The following PHF14 variants were observed in gnomAD, a reference collection of about 807,000 sequenced individuals.
PHF14 encodes the protein PHD finger protein 14.
Under a neutral mutation model 117.9 loss-of-function variants are expected in PHF14, and 55 were observed. The ratio of observed to expected loss-of-function variants is 0.47; its 90% CI spans 0.38 to 0.58. The LOEUF (loss-of-function observed/expected upper bound fraction) is 0.58, where lower values mean the gene tolerates loss of function less well. Ranked by LOEUF, PHF14 falls within the 20% of genes least tolerant of loss-of-function variation. The pLI, the probability that PHF14 is intolerant of heterozygous loss-of-function variation, is 0.00. For missense variants in PHF14, 978 were observed against 1,122.2 expected, an observed-to-expected ratio of 0.87 and a Z score of 1.84; for synonymous variants, 409 against 368.6, an observed-to-expected ratio of 1.11 and a Z score of -1.26.
chr7:11,150,382 A>G (rs1788670670), intron 17 of PHF14, among the ~76,000 whole-genome samples: 1 of 152,176 alleles, frequency 6.6e-6, no homozygotes. Flanking sequence ...GGCATAAACT[A>G]AACACAGGTT....
intron 17 of PHF14, among the ~76,000 whole-genome samples, chr7:11,143,842 A>G (rs1257228863): frequency 2.0e-5 from 3 of 152,152 alleles, no homozygotes; most frequent in Non-Finnish European, 2.9e-5. Flanking sequence ...AGGTGCTCTT[A>G]AAACAGGTAC....
chr7:11,062,192 ATAT>A lies in PHF14; in HGVS notation c.2654+111_2654+113del, dbSNP rs1446476855. ...ATTGCAGGATAAGACCTTTCTTAAA[ATAT>A]TATATAGTGGAAACAGTACTTTAGA... On this transcript the variant is annotated intron_variant, in intron 16 of 17. Transcript: ENST00000634607. The A allele has an allele frequency of 6.7e-6, 6 of 893,384 alleles. No homozygotes were observed. The East Asian group carries it at 1.6e-4, about 24-fold the overall frequency. 55.3% of individuals were successfully genotyped at this position (893,384 alleles called of 1,614,324 possible).
chr7:11,015,865 G>T (rs1783517511), intron 5 of PHF14, among the ~76,000 whole-genome samples: 1 of 137,380 alleles, frequency 7.3e-6, no homozygotes, highest in African/African-American at 2.7e-5. Flanking sequence ...CCTGAGAATT[G>T]AAATTTTTGG....
chr7:11,028,595 A>G (rs907370792), intron 6 of PHF14, 86 bp from the exon 7 acceptor site: 4 of 1,196,716 alleles, frequency 3.3e-6, no homozygotes, highest in Non-Finnish European at 4.8e-6. Context: ...AGCATTTTAA[A>G]TATTTAGTGG....
At position 11,161,428 on chromosome 7, in the gene PHF14, G is replaced by GT. The variant is rs1467671363; in HGVS notation, c.2773-7981dup. On this transcript the variant is annotated intron_variant, in intron 17 of 17. Transcript: ENST00000634607. ...ATATTAATGAATAAGTAATATACTT[G>GT]TTTTTTTATGTGTGTATGACAAACT... 3.3e-5 allele frequency among the ~76,000 whole-genome samples: 5 copies of GT among 151,860 alleles called. No individual in the cohort carries two copies. The East Asian group carries it at 9.7e-4, about 29-fold the overall frequency.
intron 17 of PHF14, among the ~76,000 whole-genome samples, chr7:11,123,140 G>A (rs941244577): frequency 3.3e-5 from 5 of 152,058 alleles, no homozygotes; most frequent in South Asian, 2.1e-4. Flanking sequence ...GCAGTTGATA[G>A]CATCTATACC....
At chr7:11,066,918 C>T (rs1363689929) in intron 16 of PHF14, among the ~76,000 whole-genome samples, 1 of 152,030 alleles carries the variant, frequency 6.6e-6, no homozygotes, top group Non-Finnish European at 1.5e-5. Context: ...AAAGCCTGGA[C>T]ATAACACCAA....
rs1371684671 is a variant in PHF14 at position 11,062,053 on chromosome 7, C to T, written c.2622C>T (p.Cys874=). 1.2e-6 allele frequency: 2 copies of T among 1,608,310 alleles called. No homozygotes were observed. ...AEDLRTECAT[C]KGTGDNENLV... ...ATTTAAGAACTGAATGTGCAACTTG[C>T]AAGGGAACTGGAGACAATGAAAATC... Residue 874 remains cysteine, a synonymous_variant, in exon 16 of 18, where the codon TGC becomes TGT. Transcript: ENST00000634607.
At position 10,982,629 on chromosome 7, in the gene PHF14, G is replaced by A. The variant is rs199711875; in HGVS notation, c.370G>A (p.Glu124Lys). The A allele has an allele frequency of 6.5e-7, 1 of 1,539,584 alleles. No homozygotes were observed. Residue 124 changes from glutamate to lysine, a missense_variant, in exon 3 of 18, where the codon GAA (glutamate) becomes AAA (lysine). This residue lies in a region of PHF14 where 414 missense variants were observed against 376.4 expected (regional missense o/e 1.10). Coordinates refer to ENST00000634607, the MANE Select transcript of PHF14 (RefSeq NM_001007157.2). ...KKEKEKEKEK[E>K]KEKEKEREKE... ...GGAGAAAGAGAAGGAAAAAGAAAAG[G>A]AAAAGGAGAAAGAGAAGGAAAGAGA...
intron 4 of PHF14, among the ~76,000 whole-genome samples, chr7:11,009,035 C>A (rs370436467): frequency 0.05 from 4,971 of 99,536 alleles, no homozygotes; most frequent in East Asian, 0.097. Context: ...GACTCTGTCT[C>A]AAAAAAAAAA....
At chr7:11,136,504 G>C (rs1191943103) in intron 17 of PHF14, among the ~76,000 whole-genome samples, 19 of 151,994 alleles carry the variant, frequency 1.3e-4, no homozygotes, top group Admixed American at 1.2e-3. Context: ...AGTAAAAACT[G>C]AATTACATTT....
intron 17 of PHF14, among the ~76,000 whole-genome samples, chr7:11,124,148 C>G (rs940148707): frequency 6.7e-6 from 1 of 150,146 alleles, no homozygotes; most frequent in East Asian, 1.9e-4. Flanking sequence ...AGTAAATGGT[C>G]ATTGTTGAAT....
chr7:11,133,934 A>T (rs1248714257), intron 17 of PHF14, among the ~76,000 whole-genome samples: 1 of 152,052 alleles, frequency 6.6e-6, no homozygotes, highest in African/African-American at 2.4e-5. Flanking sequence ...ACTAACCTGG[A>T]CCAGGTGACC....
intron 3 of PHF14, among the ~76,000 whole-genome samples, chr7:10,984,540 C>T (rs1583328328): frequency 1.3e-5 from 2 of 152,140 alleles, no homozygotes; most frequent in African/African-American, 2.4e-5. Flanking sequence ...ATGCAGTTTA[C>T]GTTATAGCAG....
chr7:11,035,742 A>T lies in PHF14; in HGVS notation c.1558A>T (p.Met520Leu). Reference protein sequence around the residue: ...NYLALQSYCKMSLQEREKQLS... With the variant: ...NYLALQSYCKLSLQEREKQLS... ...CTTGGCTCTACAGTCCTATTGTAAA[A>T]TGTCTTTGCAAGAGAGAGAGAAGCA... Residue 520 changes from methionine (M) to leucine (L), a missense_variant, in exon 8 of 18, where the codon ATG (methionine) becomes TTG (leucine). Around this residue, in one of 7 missense-constraint regions of PHF14, gnomAD observed 237 missense variants for 276.4 expected, o/e 0.86. Coordinates refer to ENST00000634607, the MANE Select transcript of PHF14 (RefSeq NM_001007157.2). The T allele has an allele frequency of 1.2e-6, 2 of 1,610,230 alleles. No homozygotes were observed. The highest frequency in any genetic ancestry group is 2.2e-5 in the South Asian group (2 of 90,652).
At position 11,013,926 on chromosome 7, in the gene PHF14, T is replaced by C. The variant is rs761579769; in HGVS notation, c.1205+20T>C. 2.2e-5 allele frequency: 34 copies of C among 1,544,310 alleles called. 1 individual carries two copies. In the South Asian group the frequency reaches 3.8e-4, roughly 17 times the overall value. On this transcript the variant is annotated intron_variant, in intron 5 of 17. Coordinates refer to ENST00000634607, the MANE Select transcript of PHF14 (RefSeq NM_001007157.2). The stretch of plus-strand genomic sequence containing the variant: ...TGGAAGGTTAATGTCCTAATTATGT[T>C]GGTTCATATGTTTGCTTTATAATGT...
chr7:11,159,429 T>C (rs1252359345), intron 17 of PHF14, among the ~76,000 whole-genome samples: 2 of 152,122 alleles, frequency 1.3e-5, no homozygotes, highest in Non-Finnish European at 2.9e-5. Flanking sequence ...TTTATTGTGA[T>C]GTCAATTAAA....
intron 14 of PHF14, among the ~76,000 whole-genome samples, chr7:11,054,023 C>CAA (rs879351207): frequency 4.3e-5 from 6 of 140,862 alleles, no homozygotes; most frequent in African/African-American, 1.3e-4. Context: ...GTTGAAGCTC[C>CAA]AAAAAAAAAA....
At chr7:11,156,237 A>G (rs1482144222) in intron 17 of PHF14, among the ~76,000 whole-genome samples, 2 of 152,238 alleles carry the variant, frequency 1.3e-5, no homozygotes, top group Non-Finnish European at 2.9e-5. Flanking sequence ...TTTGACACTG[A>G]TAATAAAGTG....
Sources: allele counts gnomAD v4.1 joint callset (sites outside exome capture counted in the v4.1 genomes callset), GRCh38; gene constraint gnomAD v4.1.1; regional missense constraint gnomAD v4.1.1; transcripts MANE v1.5; gene names NCBI Gene and HGNC (gene_info 2026-07-23, HGNC 2026-07-21).